Variants in DLGAP5 observed in about 807,000 individuals in gnomAD.
DLGAP5 encodes the protein DLG associated protein 5.
DLGAP5 carries 90 observed loss-of-function variants against 99.6 expected under a neutral mutation model. The observed-to-expected ratio is 0.90, with a 90% confidence interval of 0.76 to 1.08. The LOEUF is 1.08. DLGAP5 is among the 50% of genes least tolerant of loss of function. DLGAP5 has a pLI of 0.00. For missense variants in DLGAP5, 1,036 were observed against 983.5 expected (o/e 1.05, Z -0.71); for synonymous variants, 311 against 321.3 (o/e 0.97, Z 0.34).
At chr14:55,173,612 T>C (rs991985491) in intron 10 of DLGAP5, among the ~76,000 whole-genome samples, 4 of 152,058 alleles carry the variant, frequency 2.6e-5, no homozygotes, top group African/African-American at 9.7e-5. Flanking sequence ...TCTATATATA[T>C]ATATACATGT....
chr14:55,172,921 G>T (rs1373362591), intron 10 of DLGAP5, among the ~76,000 whole-genome samples: 1 of 136,976 alleles, frequency 7.3e-6, no homozygotes, highest in African/African-American at 2.8e-5. Context: ...GGCAGAGGTT[G>T]CAAAGAGCCA....
intron 10 of DLGAP5, among the ~76,000 whole-genome samples, chr14:55,172,600 G>T (rs938702547): frequency 6.6e-6 from 1 of 151,872 alleles, no homozygotes; most frequent in Non-Finnish European, 1.5e-5. Flanking sequence ...CTCCAGCCTG[G>T]GTGACAGAGT....
intron 12 of DLGAP5, among the ~76,000 whole-genome samples, chr14:55,167,561 G>T (rs1882688468): frequency 6.6e-6 from 1 of 152,084 alleles, no homozygotes; most frequent in Non-Finnish European, 1.5e-5. Flanking sequence ...GTTGAGACAG[G>T]GTCTCGCCTC....
chr14:55,163,137 A>G, intron 12 of DLGAP5, 62 bp from the exon 13 acceptor site: 1 of 972,304 alleles, frequency 1.0e-6, no homozygotes, highest in South Asian at 2.1e-5. Flanking sequence ...TAAACGAATG[A>G]GCTGAAGACT....
chr14:55,187,601 G>A (rs1156693863), intron 2 of DLGAP5, among the ~76,000 whole-genome samples: 7 of 149,922 alleles, frequency 4.7e-5, no homozygotes, highest in African/African-American at 1.7e-4. Flanking sequence ...ACAGGCATGA[G>A]CCACTGTGCC....
chr14:55,177,003 A>AG, intron 8 of DLGAP5, 59 bp downstream of exon 8: 1 of 1,078,214 alleles, frequency 9.3e-7, no homozygotes, highest in Non-Finnish European at 1.2e-6. Context: ...AAAAAAAAAA[A>AG]AGAAAGGCAT....
Position 55,177,086 on chromosome 14 carries a change from G to T in DLGAP5, c.1025C>A (p.Thr342Asn). Residue 342 changes from threonine to asparagine, a missense_variant, in exon 8 of 19, where the codon ACC becomes AAC. Physicochemically the swap from Thr to Asn is moderately conservative, Grantham distance 65. Coordinates refer to ENST00000247191, the MANE Select transcript of DLGAP5 (RefSeq NM_014750.5). Reference sequence around the variant, plus strand: ...CACTTCTGTTTTTAAAGGAGTCCAGGTGTAACTGGGTGTCAAAAAAGCATT... The same window carrying T: ...CACTTCTGTTTTTAAAGGAGTCCAGTTGTAACTGGGTGTCAAAAAAGCATT... Reference protein sequence around the residue: ...SANAFLTPSYTWTPLKTEVDE... With the variant: ...SANAFLTPSYNWTPLKTEVDE... 1 of 1,509,886 alleles carries T rather than the reference G, an allele frequency of 6.6e-7. No individual in the cohort carries two copies. The highest frequency in any genetic ancestry group is 1.4e-5 in the South Asian group (1 of 71,684). 93.5% of individuals were successfully genotyped at this position (1,509,886 alleles called of 1,614,324 possible). A position where few individuals can be genotyped will look rare whatever the true frequency, so the allele number is the denominator to read the frequency against.
intron 12 of DLGAP5, among the ~76,000 whole-genome samples, chr14:55,166,762 T>C (rs1882657107): frequency 6.6e-6 from 1 of 151,860 alleles, no homozygotes; most frequent in African/African-American, 2.4e-5. Context: ...ATTCTAAATT[T>C]GGATTGTGGT....
chr14:55,187,645 A>G (rs1883477505), intron 2 of DLGAP5, among the ~76,000 whole-genome samples: 1 of 147,296 alleles, frequency 6.8e-6, no homozygotes, highest in Non-Finnish European at 1.5e-5. Flanking sequence ...TTTTTTTAGG[A>G]GACAGGATCT....
At chr14:55,188,119 T>C (rs1366543807) in intron 2 of DLGAP5, among the ~76,000 whole-genome samples, 2 of 152,178 alleles carry the variant, frequency 1.3e-5, no homozygotes, top group African/African-American at 2.4e-5. Context: ...AGATAAAAAA[T>C]GTTTGGTTCT....
At chr14:55,169,643 C>T in intron 11 of DLGAP5, 84 bp from the exon 12 acceptor site, 2 of 1,238,318 alleles carry the variant, frequency 1.6e-6, no homozygotes, top group South Asian at 1.7e-5. Context: ...GACTTCACTC[C>T]AAACATCCTA....
In DLGAP5 at chr14:55,151,960, TTATATTTA is replaced by T; in HGVS notation, c.2122-27_2122-20del. 1 of 1,588,934 alleles carries T rather than the reference TTATATTTA, an allele frequency of 6.3e-7. No individual in the cohort carries two copies. Among genetic ancestry groups the T allele is most frequent in the South Asian group, 1.2e-5 (1 of 86,926 alleles). On this transcript the variant is annotated intron_variant, in intron 16 of 18. Transcript: ENST00000247191. ...TTACAACCTGGAAGTAAAAATGGCA[TTATATTTA>T]ATTATCAATTTAATTACTTGGAACA...
rs923605996 is a variant in DLGAP5 at position 55,175,422 on chromosome 14, G to A, written c.1225C>T (p.Pro409Ser). Residue 409 changes from proline to serine, a missense_variant, in exon 10 of 19, where the codon CCA becomes TCA. Transcript: ENST00000247191. ...EATTKNLNGL[P>S]IKEVPSLERN... Reference sequence around the variant, plus strand: ...TCAAGTGATGGGACTTCTTTTATTGGAAGGCCATTTAAATTTTTAGTAGTA... The same window carrying A: ...TCAAGTGATGGGACTTCTTTTATTGAAAGGCCATTTAAATTTTTAGTAGTA... The A allele has an allele frequency of 6.4e-7, 1 of 1,557,154 alleles. No homozygotes were observed. Among genetic ancestry groups the A allele is most frequent in the Admixed American group, 1.7e-5 (1 of 58,050 alleles).
At chr14:55,178,605 C>A (rs893651538) in intron 7 of DLGAP5, among the ~76,000 whole-genome samples, 1 of 152,178 alleles carries the variant, frequency 6.6e-6, no homozygotes, top group Non-Finnish European at 1.5e-5. Context: ...TAGTGATAAT[C>A]CTTAAGGGTT....
At chr14:55,168,771 C>G (rs1365079397) in intron 12 of DLGAP5, among the ~76,000 whole-genome samples, 1 of 152,190 alleles carries the variant, frequency 6.6e-6, no homozygotes, top group Admixed American at 6.5e-5. Flanking sequence ...AACAGGAACT[C>G]AGTAACTGTT....
rs1192894013 is a variant in DLGAP5, at chr14:55,151,764, T to G, written c.2299A>C (p.Ser767Arg). Residue 767 changes from serine to arginine, a missense_variant, in exon 17 of 19, where the codon AGC becomes CGC. Transcript: ENST00000247191. ...TGTGAAGCTGTATTTTTTTCAGGGC[T>G]ACTCATCAAAACATCCTGTGATGTA... ...SITSQDVLMS[S>R]PEKNTASQNS... 5 of 1,613,994 alleles carry G rather than the reference T, an allele frequency of 3.1e-6. No individual in the cohort carries two copies. Among genetic ancestry groups the G allele is most frequent in the Non-Finnish European group, 8.5e-7 (1 of 1,179,946 alleles).
intron 12 of DLGAP5, among the ~76,000 whole-genome samples, chr14:55,166,991 C>G (rs900369572): frequency 1.3e-5 from 2 of 151,804 alleles, no homozygotes; most frequent in African/African-American, 4.8e-5. Flanking sequence ...CACAGTGGCT[C>G]ACACCTGTAA....
intron 1 of DLGAP5, among the ~76,000 whole-genome samples, 179 bp from the exon 2 acceptor site, chr14:55,189,359 C>A (rs1283936480): frequency 6.6e-6 from 1 of 152,018 alleles, no homozygotes; most frequent in Non-Finnish European, 1.5e-5. Flanking sequence ...TAAGAAGCTA[C>A]CTATTTGGGG....
intron 9 of DLGAP5, among the ~76,000 whole-genome samples, 176 bp from the exon 10 acceptor site, chr14:55,175,648 CATTT>C (rs1181229458): frequency 1.3e-5 from 2 of 152,160 alleles, no homozygotes; most frequent in South Asian, 2.1e-4. Context: ...TTTAAATTTA[CATTT>C]ATTTCCCCTC....
Sources: allele counts gnomAD v4.1 joint callset (sites outside exome capture counted in the v4.1 genomes callset), GRCh38; gene constraint gnomAD v4.1.1; transcripts MANE v1.5; gene names NCBI Gene and HGNC (gene_info 2026-07-23, HGNC 2026-07-21).